Variants in FSIP1 observed in about 807,000 individuals in gnomAD.
FSIP1 encodes fibrous sheath-interacting protein 1.
FSIP1 carries 65 observed loss-of-function variants against 60.9 expected under a neutral mutation model. The ratio of observed to expected loss-of-function variants is 1.07; its 90% confidence interval spans 0.87 to 1.31. The LOEUF is 1.31. Among genes scored for constraint, FSIP1 ranks in the 40% most tolerant of loss-of-function variants. The pLI, the probability that FSIP1 is intolerant of heterozygous loss-of-function variation, is 0.00. For missense variants in FSIP1, 675 were observed against 665.5 expected, an observed-to-expected ratio of 1.01 and a Z score of -0.16; for synonymous variants, 209 against 221.2, an observed-to-expected ratio of 0.94 and a Z score of 0.49.
At chr15:39,748,025 G>C (rs572874124) in intron 5 of FSIP1, among the ~76,000 whole-genome samples, 1 of 152,138 alleles carries the variant, frequency 6.6e-6, no homozygotes, top group South Asian at 2.1e-4. Context: ...TCACTGCCTT[G>C]ATTCTCCTGC....
intron 3 of FSIP1, 84 bp from the exon 4 acceptor site, chr15:39,765,830 T>C (rs1172302362): frequency 5.4e-6 from 4 of 735,694 alleles, no homozygotes; most frequent in Admixed American, 6.5e-5. Context: ...TGTTCTTTCA[T>C]TCAACAAATA....
intron 11 of FSIP1, among the ~76,000 whole-genome samples, chr15:39,615,487 G>A (rs137930888): frequency 2.5e-4 from 37 of 150,854 alleles, no homozygotes; most frequent in African/African-American, 8.5e-4. Flanking sequence ...ACATAAAAAT[G>A]GCCAACAGGT....
intron 10 of FSIP1, among the ~76,000 whole-genome samples, chr15:39,625,954 G>A (rs1891621910): frequency 6.6e-6 from 1 of 152,164 alleles, no homozygotes; most frequent in South Asian, 2.1e-4. Flanking sequence ...ATTTGCATGG[G>A]TGAAGGCCTT....
In FSIP1 at chr15:39,633,091, C is replaced by CTTTTTTTTTTTTTTTTTTTTTTTTTT. The variant is rs869063502; in HGVS notation, c.1189-14847_1189-14846insAAAAAAAAAAAAAAAAAAAAAAAAAA. Among the ~76,000 whole-genome samples, 5 of 112,870 alleles carry CTTTTTTTTTTTTTTTTTTTTTTTTTT rather than the reference C, an allele frequency of 4.4e-5. 1 individual carries two copies. Among genetic ancestry groups the CTTTTTTTTTTTTTTTTTTTTTTTTTT allele is most frequent in the African/African-American group, 1.8e-4 (5 of 27,070 alleles). 74.0% of individuals were successfully genotyped at this position (112,870 alleles called of 152,430 possible). A position where few individuals can be genotyped will look rare whatever the true frequency, so the allele number is the denominator to read the frequency against. On this transcript the variant is annotated intron_variant, in intron 10 of 11. Coordinates refer to ENST00000350221, the MANE Select transcript of FSIP1 (RefSeq NM_152597.5). ...AATCTTCCCCACATAGGCTATACTTCTTTTTTTTTTTTTTTTTTTTGAGAT... is the reference window on the plus strand; with the variant it reads ...AATCTTCCCCACATAGGCTATACTTCTTTTTTTTTTTTTTTTTTTTTTTTTTTTTTTTTTTTTTTTTTTTTTGAGAT...
intron 5 of FSIP1, among the ~76,000 whole-genome samples, chr15:39,751,427 ACAC>A (rs1897159829): frequency 1.3e-5 from 2 of 150,214 alleles, no homozygotes; most frequent in East Asian, 2.0e-4. Flanking sequence ...AAACACACAC[ACAC>A]ACACACACAC....
At chr15:39,617,259 A>C (rs1043724026) in intron 11 of FSIP1, among the ~76,000 whole-genome samples, 11 of 152,198 alleles carry the variant, frequency 7.2e-5, no homozygotes, top group Non-Finnish European at 1.5e-5. Flanking sequence ...AAGATGAAAC[A>C]CTAGATCGTG....
intron 7 of FSIP1, 67 bp from the exon 8 acceptor site, chr15:39,738,268 G>A (rs1043570589): frequency 6.0e-6 from 6 of 998,734 alleles, no homozygotes; most frequent in South Asian, 1.5e-5. Flanking sequence ...AAAAAAAAAT[G>A]GAATCTGAGA....
At chr15:39,614,515 C>T (rs546996832) in intron 11 of FSIP1, among the ~76,000 whole-genome samples, 13 of 151,970 alleles carry the variant, frequency 8.6e-5, no homozygotes, top group African/African-American at 2.9e-4. Flanking sequence ...CGTGGTGGCA[C>T]GCACCTGTAA....
At chr15:39,636,295 T>C (rs181892968) in intron 10 of FSIP1, among the ~76,000 whole-genome samples, 1 of 152,340 alleles carries the variant, frequency 6.6e-6, no homozygotes, top group East Asian at 1.9e-4. Flanking sequence ...CTATTTGACC[T>C]AAAACTTTCA....
At chr15:39,706,284 A>G (rs1214582101) in intron 10 of FSIP1, among the ~76,000 whole-genome samples, 1 of 152,214 alleles carries the variant, frequency 6.6e-6, no homozygotes, top group Admixed American at 6.5e-5. Flanking sequence ...GTTTTCCAGG[A>G]GAAAAAATAA....
In FSIP1 at chr15:39,776,485, G is replaced by C. The variant is rs974133665; in HGVS notation, c.40C>G (p.Pro14Ala). Residue 14 changes from proline to alanine, a missense_variant, in exon 2 of 12, where the codon CCA becomes GCA. By Grantham distance (27) the Pro-to-Ala change is conservative (BLOSUM62 -1). Coordinates refer to ENST00000350221, the MANE Select transcript of FSIP1 (RefSeq NM_152597.5). ...IKGNLDGISK[P>A]ASNSRIRPGS... is the part of the protein sequence containing the mutation. ...GGGCGTATTCTTGAATTTGAAGCTG[G>C]TTTTGAAATTCCATCTAGGTTTCCC... 1.3e-6 allele frequency: 2 copies of C among 1,562,362 alleles called. No individual in the cohort carries two copies. The highest frequency in any genetic ancestry group is 1.7e-6 in the Non-Finnish European group (2 of 1,149,320).
chr15:39,605,101 CTCAAGTATAT>C (rs1485101552), intron 11 of FSIP1, among the ~76,000 whole-genome samples: 2 of 152,174 alleles, frequency 1.3e-5, no homozygotes, highest in African/African-American at 4.8e-5. Flanking sequence ...AAATTTCAGC[CTCAAGTATAT>C]TCAGATTATA....
intron 5 of FSIP1, among the ~76,000 whole-genome samples, chr15:39,748,189 A>G (rs966272734): frequency 1.3e-5 from 2 of 152,152 alleles, no homozygotes; most frequent in Non-Finnish European, 2.9e-5. Flanking sequence ...GGTTTCACAA[A>G]TAATACGCAT....
chr15:39,735,773 A>T (rs940179703), intron 8 of FSIP1, among the ~76,000 whole-genome samples: 2 of 152,132 alleles, frequency 1.3e-5, no homozygotes, highest in Non-Finnish European at 2.9e-5. Context: ...ACTGTACAAA[A>T]ATATTTTCTT....
chr15:39,769,221 G>A (rs1276546750), intron 3 of FSIP1, among the ~76,000 whole-genome samples: 2 of 151,306 alleles, frequency 1.3e-5, no homozygotes, highest in Non-Finnish European at 2.9e-5. Flanking sequence ...AGAGCTTGCA[G>A]TGAGCCGAGA....
At chr15:39,728,429 C>A (rs1178293734) in intron 8 of FSIP1, among the ~76,000 whole-genome samples, 1 of 152,070 alleles carries the variant, frequency 6.6e-6, no homozygotes, top group Non-Finnish European at 1.5e-5. Context: ...GGTACTAGTA[C>A]AAAAACAGAC....
chr15:39,696,653 A>T (rs1275569004), intron 10 of FSIP1, among the ~76,000 whole-genome samples: 2 of 152,242 alleles, frequency 1.3e-5, no homozygotes, highest in African/African-American at 4.8e-5. Context: ...ATGGTTTATA[A>T]TAACAATATT....
rs779635241 is a variant in FSIP1 at position 39,625,298 on chromosome 15, G to A, written c.1189-7053C>T. Among the ~76,000 whole-genome samples the A allele has an allele frequency of 7.9e-5, 12 of 152,142 alleles. No homozygotes were observed. The East Asian group carries it at 9.6e-4, about 12-fold the overall frequency. ...AGAATGAGAGAGGTGGGCTGCCAGC[G>A]GGACCCCAGTGTGTAAGTTAGGGAT... On this transcript the variant is annotated intron_variant, in intron 10 of 11. Coordinates refer to ENST00000350221, the MANE Select transcript of FSIP1 (RefSeq NM_152597.5).
At chr15:39,735,814 T>C (rs1896586165) in intron 8 of FSIP1, among the ~76,000 whole-genome samples, 1 of 152,174 alleles carries the variant, frequency 6.6e-6, no homozygotes, top group African/African-American at 2.4e-5. Flanking sequence ...TTTTAAAATT[T>C]TCTTTTTTTA....
Sources: allele counts gnomAD v4.1 joint callset (sites outside exome capture counted in the v4.1 genomes callset), GRCh38; gene constraint gnomAD v4.1.1; transcripts MANE v1.5; gene names NCBI Gene and HGNC (gene_info 2026-07-23, HGNC 2026-07-21).